Variants in PRAM1 observed in about 807,000 individuals in gnomAD.
The protein encoded by PRAM1 is PML-RARA-regulated adapter molecule 1.
A neutral mutation model predicts 55.3 loss-of-function variants in PRAM1; 41 were observed. The observed-to-expected ratio is 0.74, with a 90% CI of 0.58 to 0.96. The LOEUF is 0.96. Among genes scored for constraint, PRAM1 ranks in the 40% least tolerant of loss-of-function variants. The probability of loss-of-function intolerance (pLI) is 0.00; values close to 1 mark genes in which losing one functional copy is unlikely to be tolerated. For synonymous variants in PRAM1, 401 were observed against 387.1 expected (o/e 1.04, Z -0.42); for missense variants, 898 against 892.7 (o/e 1.01, Z -0.08).
chr19:8,490,501 C>G lies in PRAM1; in HGVS notation c.1915G>C (p.Val639Leu). ...CRDPKGKYGY[V>L]PRTALLPLET... ...AGGGGCAGGAGCGCTGTTCTGGGCA[C>G]GTAGCCATCTGTGGAGAGAGTGGGC... The change falls in exon 8 of 10, where the codon GTG (valine) becomes CTG (leucine). Residue 639 changes from valine to leucine, a missense_variant. Physicochemically the swap from Val to Leu is conservative, Grantham distance 32 (BLOSUM62 1). Coordinates refer to ENST00000423345, the MANE Select transcript of PRAM1 (RefSeq NM_032152.5). The surrounding 1 kb of genome is among the most constrained non-coding windows in gnomAD (Gnocchi z 7.3). 1 of 1,611,896 alleles carries G rather than the reference C, an allele frequency of 6.2e-7. No homozygotes were observed. Among genetic ancestry groups the G allele is most frequent in the Non-Finnish European group, 8.5e-7 (1 of 1,179,154 alleles).
Position 8,490,091 on chromosome 19 carries a change from G to T in PRAM1, c.*98C>A. The stretch of plus-strand genomic sequence containing the variant: ...TGGGGCTTTATGTGGCCAGGTACAA[G>T]CCCAGGCAGCTCTGTGACTTTCCCG... On this transcript the variant is annotated 3_prime_UTR_variant, in exon 10 of 10. Transcript: ENST00000423345. The surrounding 1 kb of genome is among the most constrained non-coding windows in gnomAD (Gnocchi z 7.3). 1.6e-6 allele frequency: 2 copies of T among 1,214,482 alleles called. No individual in the cohort carries two copies. Among genetic ancestry groups the T allele is most frequent in the Non-Finnish European group, 2.3e-6 (2 of 882,180 alleles). 75.2% of individuals were successfully genotyped at this position (1,214,482 alleles called of 1,614,324 possible).
rs1274797026 is a variant in PRAM1, at chr19:8,498,481, G to A, written c.1327C>T (p.Pro443Ser). 5.0e-6 allele frequency: 8 copies of A among 1,590,542 alleles called. No individual in the cohort carries two copies. Among genetic ancestry groups the A allele is most frequent in the Non-Finnish European group, 6.8e-6 (8 of 1,168,364 alleles). The change falls in exon 2 of 10, where the codon CCT becomes TCT. Residue 443 changes from proline (P) to serine (S), a missense_variant. Transcript: ENST00000423345. ...CCCAGGCTGCTGGCAGGGGGCAGAG[G>A]CCTCCGCCGGGGTGGATGGCTGGGT... ...LRPSHPPRRR[P>S]LPPASSLGHP... is the part of the protein sequence containing the mutation.
At chr19:8,496,046 C>T (rs758426814) in intron 4 of PRAM1, 8 of 455,936 alleles carry the variant, frequency 1.8e-5, no homozygotes, top group African/African-American at 4.0e-5. Flanking sequence ...CACCTGCCTG[C>T]AGGCCACACC....
chr19:8,494,892 C>G (rs961516086), intron 4 of PRAM1, among the ~76,000 whole-genome samples: 21 of 151,054 alleles, frequency 1.4e-4, no homozygotes, highest in Admixed American at 1.3e-3. Context: ...CTTGGCCTCC[C>G]AAAGTGCTGG....
intron 4 of PRAM1, chr19:8,491,656 G>T: frequency 5.3e-6 from 1 of 187,082 alleles, no homozygotes. Context: ...GGGGTCATGG[G>T]TTCTTCTGGA....
Position 8,490,464 on chromosome 19 carries a change from G to T in PRAM1, c.1940+12C>A. The T allele has an allele frequency of 6.2e-7, 1 of 1,613,018 alleles. No homozygotes were observed. Among genetic ancestry groups the T allele is most frequent in the Non-Finnish European group, 8.5e-7 (1 of 1,179,568 alleles). ...CCCGCACTCCCCCACCACGGTCAGG[G>T]CTGGCACTCACAGGGGCAGGAGCGC... On this transcript the variant is annotated intron_variant, in intron 8 of 9. Transcript: ENST00000423345. The surrounding 1 kb of genome is among the most constrained non-coding windows in gnomAD (Gnocchi z 7.3).
Position 8,498,641 on chromosome 19 carries a change from G to C in PRAM1, c.1167C>G (p.Ser389=). 1 of 1,611,944 alleles carries C rather than the reference G, an allele frequency of 6.2e-7. No homozygotes were observed. Among genetic ancestry groups the C allele is most frequent in the Non-Finnish European group, 8.5e-7 (1 of 1,179,368 alleles). The change falls in exon 2 of 10, where the codon TCC becomes TCG. Residue 389 remains serine, a synonymous_variant. Transcript: ENST00000423345. ...PRKPPLPSSA[S]ESSLPAAVAG... ...CCACGGCCGCAGGCAGTGAGCTCTC[G>C]GAAGCGGAGCTGGGGAGTGGAGGCT... is the stretch of plus-strand genomic sequence containing the variant.
rs1370928890 is a variant in PRAM1, at chr19:8,490,245, T to G, written c.1976-19A>C. 9 of 1,609,060 alleles carry G rather than the reference T, an allele frequency of 5.6e-6. No individual in the cohort carries two copies. The African/African-American group carries it at 9.4e-5, about 17-fold the overall frequency. On this transcript the variant is annotated intron_variant, in intron 9 of 9. Transcript: ENST00000423345. The surrounding 1 kb of genome is among the most constrained non-coding windows in gnomAD (Gnocchi z 7.3). ...AGGGGATCTGCCGAGGAAGCGTGACTTCCATGGACCCCTCTCCCCAGAAGC... is the reference window on the plus strand; with the variant it reads ...AGGGGATCTGCCGAGGAAGCGTGACGTCCATGGACCCCTCTCCCCAGAAGC...
intron 1 of PRAM1, among the ~76,000 whole-genome samples, chr19:8,500,500 T>C (rs796643824): frequency 1.4e-4 from 22 of 152,206 alleles, no homozygotes; most frequent in African/African-American, 5.1e-4. Context: ...CTGAGTCTGT[T>C]TGTGTCCCTC....
rs935581142 is a variant in PRAM1 at position 8,493,410 on chromosome 19, G to A, written c.1577-2253C>T. On this transcript the variant is annotated intron_variant, in intron 4 of 9. Transcript: ENST00000423345. This position sits in a 1 kb window ranked among gnomAD's most constrained non-coding sequence, Gnocchi z 4.1. ...CTGCCTCTCAGAGGCTTCCCTGGCC[G>A]TGAGCAGTCACTCCACCAGGAGCGA... is the stretch of plus-strand genomic sequence containing the variant. Among the ~76,000 whole-genome samples the A allele has an allele frequency of 2.0e-5, 3 of 152,188 alleles. No homozygotes were observed. Among genetic ancestry groups the A allele is most frequent in the African/African-American group, 7.2e-5 (3 of 41,460 alleles).
In PRAM1 at chr19:8,498,577, C is replaced by T. The variant is rs1971738229; in HGVS notation, c.1231G>A (p.Gly411Arg). Residue 411 changes from glycine to arginine, a missense_variant, in exon 2 of 10, where the codon GGA becomes AGA. Transcript: ENST00000423345. ...SSRHPLSPGF[G>R]AAGTPRWRSG... ...CTCCAGCGGGGTGTCCCAGCCGCTC[C>T]AAACCCAGGGCTGAGCGGGTGCCGG... is the stretch of plus-strand genomic sequence containing the variant. 1.1e-5 allele frequency: 18 copies of T among 1,612,568 alleles called. No homozygotes were observed. Among genetic ancestry groups the T allele is most frequent in the Non-Finnish European group, 1.5e-5 (18 of 1,179,670 alleles).
Position 8,491,111 on chromosome 19 carries a change from G to C in PRAM1, c.1623C>G (p.Asp541Glu). Reference protein sequence around the residue: ...VQQAARRPPQDPALRKEKDPQ... With the variant: ...VQQAARRPPQEPALRKEKDPQ... Reference sequence around the variant, plus strand: ...TCTGCCCATGGCACCTGAGCGCTGGGTCTTGTGGTGGCCTCCTGGCGGCTT... The same window carrying C: ...TCTGCCCATGGCACCTGAGCGCTGGCTCTTGTGGTGGCCTCCTGGCGGCTT... Residue 541 changes from aspartate to glutamate, a missense_variant, in exon 5 of 10, where the codon GAC becomes GAG. Physicochemically the swap from Asp to Glu is conservative, Grantham distance 45. Around this residue, in one of 4 missense-constraint regions of PRAM1, gnomAD observed 787 missense variants for 735.4 expected, o/e 1.07. Transcript: ENST00000423345. 2 of 1,612,228 alleles carry C rather than the reference G, an allele frequency of 1.2e-6. No homozygotes were observed. The highest frequency in any genetic ancestry group is 1.7e-6 in the Non-Finnish European group (2 of 1,179,850).
intron 1 of PRAM1, among the ~76,000 whole-genome samples, chr19:8,502,210 C>T (rs780867256): frequency 6.6e-6 from 1 of 151,968 alleles, no homozygotes; most frequent in Non-Finnish European, 1.5e-5. Context: ...GGGGGAGGGT[C>T]ATGACCCACT....
Position 8,499,724 on chromosome 19 carries a change from C to T in PRAM1, c.84G>A (p.Glu28=), listed in dbSNP as rs1971778584. The change falls in exon 2 of 10, where the codon GAG becomes GAA. Residue 28 remains glutamate, a synonymous_variant. Transcript: ENST00000423345. ...GAGGTTTTTTGGGCAGGTCGCTGGG[C>T]TCCGGCTGAGAGGCCTGGAACTTTG... ...IKAKFQASQP[E]PSDLPKKPPK... The T allele has an allele frequency of 1.2e-6, 2 of 1,613,696 alleles. No homozygotes were observed. Among genetic ancestry groups the T allele is most frequent in the Non-Finnish European group, 1.7e-6 (2 of 1,179,770 alleles).
chr19:8,494,093 C>T (rs756260980), intron 4 of PRAM1, among the ~76,000 whole-genome samples: 3 of 152,180 alleles, frequency 2.0e-5, no homozygotes, highest in Admixed American at 6.5e-5. Flanking sequence ...CCACCGCGCC[C>T]GGCCCCTTTT....
In PRAM1 at chr19:8,493,576, T is replaced by G; in HGVS notation, c.1577-2419A>C. On this transcript the variant is annotated intron_variant, in intron 4 of 9. Transcript: ENST00000423345. The surrounding 1 kb of genome is among the most constrained non-coding windows in gnomAD (Gnocchi z 4.1). The stretch of plus-strand genomic sequence containing the variant: ...GCCTTCCCCGCATGGCCAGCTCAGA[T>G]CCCTGGGAAAGGCTGGGCTCTCCCC... Among the ~76,000 whole-genome samples, 1 of 150,998 alleles carries G rather than the reference T, an allele frequency of 6.6e-6. No individual in the cohort carries two copies.
At position 8,491,094 on chromosome 19, in the gene PRAM1, T is replaced by G. The variant is rs1391771560; in HGVS notation, c.1634+6A>C. 1.2e-6 allele frequency: 2 copies of G among 1,612,220 alleles called. No homozygotes were observed. The highest frequency in any genetic ancestry group is 1.6e-4 in the Middle Eastern group (1 of 6,078). On this transcript the variant is annotated splice_donor_region_variant and intron_variant, in intron 5 of 9. Coordinates refer to ENST00000423345, the MANE Select transcript of PRAM1 (RefSeq NM_032152.5). ...CCCGTCTGCCCACCCCCTCTGCCCA[T>G]GGCACCTGAGCGCTGGGTCTTGTGG...
At chr19:8,492,696 G>A (rs527251790) in intron 4 of PRAM1, among the ~76,000 whole-genome samples, 98 of 152,178 alleles carry the variant, frequency 6.4e-4, no homozygotes, top group African/African-American at 2.1e-3. Flanking sequence ...GGCAATGATA[G>A]TTGACAGTAA....
At chr19:8,502,354 G>C (rs2967599) in intron 1 of PRAM1, among the ~76,000 whole-genome samples, 42,585 of 151,898 alleles carry the variant, frequency 0.28, 8,377 homozygotes, top group African/African-American at 0.56. Flanking sequence ...CAACCTGAGC[G>C]TGAACCCCCA....
Sources: gnomAD v4.1 joint callset for allele counts (sites outside exome capture counted in the v4.1 genomes callset) on GRCh38, gnomAD v4.1.1 for gene constraint, gnomAD v4.1.1 regional missense constraint, Gnocchi (gnomAD v3.1) non-coding constraint, MANE v1.5 for transcripts, NCBI Gene and HGNC (gene_info 2026-07-23, HGNC 2026-07-21) for gene names.